DENND2B: variants seen among roughly 807,000 people sequenced by gnomAD.
The protein encoded by DENND2B is DENN domain containing 2B.
In DENND2B, 32 loss-of-function variants were observed where a neutral mutation model predicts 116.0. The observed-to-expected ratio is 0.28, with a 90% CI of 0.21 to 0.37. DENND2B has a LOEUF of 0.37. DENND2B is among the 10% of genes least tolerant of loss of function. The probability of loss-of-function intolerance (pLI) is 1.00; values close to 1 mark genes in which losing one functional copy is unlikely to be tolerated. For missense variants in DENND2B, 1,276 were observed against 1,477.7 expected, an observed-to-expected ratio of 0.86 and a Z score of 2.24; for synonymous variants, 588 against 583.9, an observed-to-expected ratio of 1.01 and a Z score of -0.10.
At chr11:8,729,753 C>T (rs1260201468) in intron 3 of DENND2B, among the ~76,000 whole-genome samples, 197 bp downstream of exon 3, 2 of 152,190 alleles carry the variant, frequency 1.3e-5, no homozygotes, top group Admixed American at 6.5e-5. Context: ...TAAGCATTCC[C>T]ACTCATGTCC....
intron 2 of DENND2B, among the ~76,000 whole-genome samples, chr11:8,741,317 G>A (rs1214094827): frequency 6.6e-6 from 1 of 152,198 alleles, no homozygotes; most frequent in Middle Eastern, 3.2e-3. Context: ...GTGGACCGCT[G>A]AGCTCTTCTC....
intron 1 of DENND2B, among the ~76,000 whole-genome samples, chr11:8,780,865 G>A (rs1340072875): frequency 1.3e-5 from 2 of 152,180 alleles, no homozygotes; most frequent in Non-Finnish European, 2.9e-5. Flanking sequence ...AGTGCAGGAT[G>A]AGAATTTCTA....
chr11:8,766,682 C>G, intron 1 of DENND2B: 1 of 1,289,170 alleles, frequency 7.8e-7, no homozygotes, highest in East Asian at 5.5e-5. Context: ...CGCCCCACCT[C>G]CATTCTTCCT....
intron 1 of DENND2B, among the ~76,000 whole-genome samples, chr11:8,803,244 G>C (rs2060508874): frequency 6.6e-6 from 1 of 152,164 alleles, no homozygotes; most frequent in African/African-American, 2.4e-5. Context: ...AATTAGCCAG[G>C]TGTGGTGGCG....
At chr11:8,695,634 C>T in intron 18 of DENND2B, 85 bp from the exon 19 acceptor site, 1 of 1,154,340 alleles carries the variant, frequency 8.7e-7, no homozygotes, top group Non-Finnish European at 1.3e-6. Context: ...CCATGGAGCA[C>T]AGATGCCAAA....
intron 1 of DENND2B, among the ~76,000 whole-genome samples, chr11:8,803,449 A>G (rs4929916): frequency 0.59 from 89,056 of 152,008 alleles, 26,746 homozygotes; most frequent in African/African-American, 0.71. Flanking sequence ...TTTCTGGAAG[A>G]GGAGACTGAA....
intron 1 of DENND2B, chr11:8,766,680 C>T (rs1312845530): frequency 1.6e-6 from 2 of 1,289,202 alleles, no homozygotes; most frequent in Admixed American, 2.3e-5. Context: ...TGCGCCCCAC[C>T]TCCATTCTTC....
At chr11:8,856,916 G>A (rs1037196732) in intron 3 of DENND2B, among the ~76,000 whole-genome samples, 2 of 152,020 alleles carry the variant, frequency 1.3e-5, no homozygotes, top group Middle Eastern at 3.4e-3. Flanking sequence ...ACCATGCCCA[G>A]CTAATTTTTT....
intron 3 of DENND2B, among the ~76,000 whole-genome samples, chr11:8,841,386 C>A (rs1228272255): frequency 6.6e-6 from 1 of 152,144 alleles, no homozygotes; most frequent in African/African-American, 2.4e-5. Flanking sequence ...CGCCTGTAAT[C>A]CCAGCACTCT....
chr11:8,809,835 C>A (rs1396788352), intron 1 of DENND2B: 1 of 151,604 alleles, frequency 6.6e-6, no homozygotes, highest in Non-Finnish European at 1.5e-5. Flanking sequence ...GTTTGCAGGC[C>A]CCCCAACCCC....
intron 1 of DENND2B, among the ~76,000 whole-genome samples, chr11:8,770,148 C>T (rs2056601658): frequency 1.3e-5 from 2 of 152,324 alleles, no homozygotes; most frequent in East Asian, 1.9e-4. Flanking sequence ...ATCTAAACTA[C>T]AATTACTTTG....
chr11:8,766,367 T>C (rs1283985239), intron 1 of DENND2B, among the ~76,000 whole-genome samples: 1 of 152,098 alleles, frequency 6.6e-6, no homozygotes, highest in Non-Finnish European at 1.5e-5. Context: ...CACATCAGCC[T>C]CACCCTAGGC....
chr11:8,902,096 G>A (rs2064177356), intron 1 of DENND2B, among the ~76,000 whole-genome samples: 1 of 152,146 alleles, frequency 6.6e-6, no homozygotes, highest in African/African-American at 2.4e-5. Context: ...GGGAGGCTGA[G>A]GTGGGCGAAT....
At chr11:8,874,254 G>A (rs1010004889), upstream of DENND2B, among the ~76,000 whole-genome samples, 8 of 152,294 alleles carry the variant, frequency 5.3e-5, no homozygotes, top group African/African-American at 1.7e-4. Context: ...GTGCAGAGAA[G>A]TACAATATGC....
At chr11:8,714,157 T>G (rs1049612687) in intron 7 of DENND2B, 115 bp from the exon 8 acceptor site, 1 of 1,076,994 alleles carries the variant, frequency 9.3e-7, no homozygotes, top group East Asian at 2.4e-5. Flanking sequence ...TCTGGGCTAC[T>G]CTGGGCCCAT....
intron 2 of DENND2B, among the ~76,000 whole-genome samples, chr11:8,739,903 G>A (rs1391087421): frequency 6.6e-6 from 1 of 152,168 alleles, no homozygotes; most frequent in Non-Finnish European, 1.5e-5. Context: ...AAAGTATTGT[G>A]GGCCAGACAT....
chr11:8,872,690 G>A (rs2063801636), upstream of DENND2B, among the ~76,000 whole-genome samples: 4 of 152,114 alleles, frequency 2.6e-5, no homozygotes, highest in South Asian at 8.3e-4. Context: ...TCTAGCAGAA[G>A]GCCTTATATG....
rs371325547 is a variant in DENND2B, at chr11:8,707,156, T to A, written c.2500A>T (p.Met834Leu). 45 of 1,613,668 alleles carry A rather than the reference T, an allele frequency of 2.8e-5. No homozygotes were observed. The highest frequency in any genetic ancestry group is 3.7e-5 in the Non-Finnish European group (44 of 1,179,738). The stretch of plus-strand genomic sequence containing the variant: ...CCTGGGGCTGGGAAGGGCGACTCCA[T>A]GAGACTTCTCATGAAAGGATAGACC... ...ALVYPFMRSL[M>L]ESPFPAPGKT... Residue 834 changes from methionine to leucine, a missense_variant, in exon 13 of 20, where the codon ATG becomes TTG. Coordinates refer to ENST00000313726, the MANE Select transcript of DENND2B (RefSeq NM_213618.2). The surrounding 1 kb of genome is among the most constrained non-coding windows in gnomAD (Gnocchi z 4.8).
At chr11:8,850,937 A>G (rs1278676717) in intron 3 of DENND2B, among the ~76,000 whole-genome samples, 1 of 152,228 alleles carries the variant, frequency 6.6e-6, no homozygotes, top group Non-Finnish European at 1.5e-5. Flanking sequence ...AGAAAGAGAA[A>G]CACCACATGA....
Sources: allele counts gnomAD v4.1 joint callset (sites outside exome capture counted in the v4.1 genomes callset), GRCh38; gene constraint gnomAD v4.1.1; non-coding constraint Gnocchi (gnomAD v3.1); transcripts MANE v1.5; gene names NCBI Gene and HGNC (gene_info 2026-07-23, HGNC 2026-07-21).